ACTN1: variants seen among roughly 807,000 people sequenced by gnomAD.
ACTN1 encodes the protein actinin alpha 1.
In ACTN1, 30 loss-of-function variants were observed where a neutral mutation model predicts 119.6. That is an observed-to-expected ratio of 0.25 (90% CI 0.19 to 0.34). ACTN1 has a LOEUF of 0.34. ACTN1 is among the 10% of genes least tolerant of loss of function. The pLI is 1.00. For missense variants in ACTN1, 764 were observed against 1,223.4 expected, an observed-to-expected ratio of 0.62 and a Z score of 5.60; for synonymous variants, 429 against 472.6, an observed-to-expected ratio of 0.91 and a Z score of 1.20.
In ACTN1 at chr14:68,885,308, C is replaced by G. The variant is rs922977146; in HGVS notation, c.1385+117G>C. 3.0e-6 allele frequency: 4 copies of G among 1,321,350 alleles called. No individual in the cohort carries two copies. The African/African-American group carries it at 5.9e-5, about 19-fold the overall frequency. 81.9% of individuals were successfully genotyped at this position (1,321,350 alleles called of 1,614,324 possible). On this transcript the variant is annotated intron_variant, in intron 12 of 21. Coordinates refer to ENST00000394419, the MANE Select transcript of ACTN1 (RefSeq NM_001130004.2). The surrounding 1 kb of genome is among the most constrained non-coding windows in gnomAD (Gnocchi z 5.6). The stretch of plus-strand genomic sequence containing the variant: ...TGCGTTGACTCCCTCCCCACCTGGG[C>G]ACCCACCTGTACCCACCCTCCCCAT...
chr14:68,978,459 C>T (rs1236859823), intron 1 of ACTN1: 1 of 334,686 alleles, frequency 3.0e-6, no homozygotes, highest in Non-Finnish European at 5.8e-6. Flanking sequence ...GCCTAAGGGG[C>T]AGCAGGGTCC....
chr14:68,896,129 C>G (rs936045422), intron 8 of ACTN1, among the ~76,000 whole-genome samples: 7 of 152,116 alleles, frequency 4.6e-5, no homozygotes, highest in Non-Finnish European at 1.0e-4. Context: ...GCAGACTCCA[C>G]CGGGTTCCCT....
In ACTN1 at chr14:68,925,661, T is replaced by A. The variant is rs779700207; in HGVS notation, c.117A>T (p.Ala39=). Residue 39 remains alanine, a synonymous_variant, in exon 2 of 22, where the codon GCA becomes GCT. Coordinates refer to ENST00000394419, the MANE Select transcript of ACTN1 (RefSeq NM_001130004.2). The surrounding 1 kb of genome is among the most constrained non-coding windows in gnomAD (Gnocchi z 4.3). ...WEKQQRKTFT[A]WCNSHLRKAG... ...CCTTCCGGAGGTGGGAGTTACACCATGCCGTGAATGTCTGGGCAGAGACAA... is the reference window on the plus strand; with the variant it reads ...CCTTCCGGAGGTGGGAGTTACACCAAGCCGTGAATGTCTGGGCAGAGACAA... The A allele has an allele frequency of 6.2e-7, 1 of 1,611,620 alleles. No individual in the cohort carries two copies.
rs532749678 is a variant in ACTN1, at chr14:68,970,263, G to A, written c.105+8689C>T. Among the ~76,000 whole-genome samples the A allele has an allele frequency of 2.0e-5, 3 of 152,218 alleles. No individual in the cohort carries two copies. The East Asian group carries it at 5.8e-4, about 29-fold the overall frequency. ...CTGATTTAGGCCTGGAAGGTTCAAA[G>A]CTGGGGGTCAGGAAATGGCACTGCC... On this transcript the variant is annotated intron_variant, in intron 1 of 21. Transcript: ENST00000394419.
At chr14:68,883,599 C>G (rs1158377399) in intron 14 of ACTN1, among the ~76,000 whole-genome samples, 2 of 151,928 alleles carry the variant, frequency 1.3e-5, no homozygotes, top group Admixed American at 1.3e-4. Context: ...AAGAAAAAAC[C>G]CCACTTCCAC....
chr14:68,890,398 C>A, intron 10 of ACTN1, 112 bp from the exon 11 acceptor site: 1 of 1,263,620 alleles, frequency 7.9e-7, no homozygotes, highest in South Asian at 1.4e-5. Flanking sequence ...AGCCTCTTCC[C>A]TATCTCTGCC....
At chr14:68,954,919 T>G (rs74592689) in intron 1 of ACTN1, among the ~76,000 whole-genome samples, 6,589 of 152,262 alleles carry the variant, frequency 0.043, 241 homozygotes, top group Non-Finnish European at 0.054. Context: ...GGCCTCCAGA[T>G]GAAGTGTCCT....
Position 68,875,013 on chromosome 14 carries a change from T to C in ACTN1, c.2591A>G (p.Tyr864Cys), listed in dbSNP as rs376070530. The C allele has an allele frequency of 1.4e-5, 22 of 1,613,002 alleles. No homozygotes were observed. Among genetic ancestry groups the C allele is most frequent in the Non-Finnish European group, 1.8e-5 (21 of 1,180,002 alleles). The change falls in exon 22 of 22, where the codon TAC (tyrosine) becomes TGC (cysteine). Residue 864 changes from tyrosine to cysteine, a missense_variant. Physicochemically the swap from Tyr to Cys is radical, Grantham distance 194. Coordinates refer to ENST00000394419, the MANE Select transcript of ACTN1 (RefSeq NM_001130004.2). ...SFKILAGDKN[Y>C]ITMDELRREL... Reference sequence around the variant, plus strand: ...GCGGCGCAGCTCGTCCATGGTAATGTAGTTCTGCGAGGAGAGAGTGGTCAG... The same window carrying C: ...GCGGCGCAGCTCGTCCATGGTAATGCAGTTCTGCGAGGAGAGAGTGGTCAG...
At position 68,931,254 on chromosome 14, in the gene ACTN1, CAG is replaced by C. The variant is rs1342064229; in HGVS notation, c.106-5584_106-5583del. 2.0e-5 allele frequency among the ~76,000 whole-genome samples: 3 copies of C among 152,226 alleles called. 1 individual carries two copies. The highest frequency in any genetic ancestry group is 4.1e-4 in the South Asian group (2 of 4,832). ...CAGGGGACCGCAGCCAGCATTGGCA[CAG>C]AGAGTCTGAGTTGATGGAACATCAG... is the stretch of plus-strand genomic sequence containing the variant. On this transcript the variant is annotated intron_variant, in intron 1 of 21. Transcript: ENST00000394419.
At chr14:68,975,296 C>CA (rs1236252214) in intron 1 of ACTN1, among the ~76,000 whole-genome samples, 1 of 152,196 alleles carries the variant, frequency 6.6e-6, no homozygotes, top group African/African-American at 2.4e-5. Context: ...TGTAAAAGGC[C>CA]ACAGGCTGGC....
At chr14:68,977,809 CA>C (rs201022532) in intron 1 of ACTN1, 1 of 368,618 alleles carries the variant, frequency 2.7e-6, no homozygotes, top group South Asian at 2.0e-5. Context: ...GTCCCCCCCC[CA>C]CCCAAAACCC....
chr14:68,905,248 C>A (rs972318724), intron 6 of ACTN1, among the ~76,000 whole-genome samples: 1 of 152,204 alleles, frequency 6.6e-6, no homozygotes, highest in African/African-American at 2.4e-5. Flanking sequence ...CTTTAAATAG[C>A]CACAGCTTTG....
chr14:68,897,123 C>A (rs1463329060), intron 8 of ACTN1, among the ~76,000 whole-genome samples: 1 of 152,152 alleles, frequency 6.6e-6, no homozygotes, highest in Non-Finnish European at 1.5e-5. Flanking sequence ...GCTGGGATTA[C>A]AGGTGCATGC....
chr14:68,958,818 C>T (rs2036436420), intron 1 of ACTN1, among the ~76,000 whole-genome samples: 1 of 152,198 alleles, frequency 6.6e-6, no homozygotes, highest in African/African-American at 2.4e-5. Context: ...GGCCCAGCCC[C>T]GACTGACCAC....
Position 68,945,282 on chromosome 14 carries a change from G to A in ACTN1, c.106-19610C>T, listed in dbSNP as rs374216048. Reference sequence around the variant, plus strand: ...TGTTCAAAAAACTGAAAAAAAAAAAGTCACAGTGCAGGAGGGAAGAAGAGG... The same window carrying A: ...TGTTCAAAAAACTGAAAAAAAAAAAATCACAGTGCAGGAGGGAAGAAGAGG... On this transcript the variant is annotated intron_variant, in intron 1 of 21. Transcript: ENST00000394419. Among the ~76,000 whole-genome samples the A allele has an allele frequency of 3.0e-4, 46 of 151,094 alleles. 1 individual carries two copies. Among genetic ancestry groups the A allele is most frequent in the Middle Eastern group, 3.4e-3 (1 of 292 alleles).
At chr14:68,912,306 C>T (rs894108075) in intron 3 of ACTN1, 64 bp from the exon 4 acceptor site, 8 of 1,196,974 alleles carry the variant, frequency 6.7e-6, no homozygotes, top group Non-Finnish European at 1.0e-5. Context: ...AACACTCCCT[C>T]AGCACCCACA....
Position 68,885,645 on chromosome 14 carries a change from C to T in ACTN1, c.1235-70G>A. 1.3e-6 allele frequency: 2 copies of T among 1,545,382 alleles called. No homozygotes were observed. Among genetic ancestry groups the T allele is most frequent in the East Asian group, 4.6e-5 (2 of 43,794 alleles). ...TCTCCTTGGTCCCAACCGCCCACCC[C>T]TCAGGGCCCCAGGAGCTCCACTTCT... On this transcript the variant is annotated intron_variant, in intron 11 of 21. Coordinates refer to ENST00000394419, the MANE Select transcript of ACTN1 (RefSeq NM_001130004.2). The surrounding 1 kb of genome is among the most constrained non-coding windows in gnomAD (Gnocchi z 5.6).
At chr14:68,877,483 G>C in intron 20 of ACTN1, 1 of 514,242 alleles carries the variant, frequency 1.9e-6, no homozygotes, top group Non-Finnish European at 3.4e-6. Flanking sequence ...TAATCATGTT[G>C]ATAATAACTA....
At chr14:68,922,761 A>G (rs1566640883) in intron 2 of ACTN1, among the ~76,000 whole-genome samples, 1 of 152,252 alleles carries the variant, frequency 6.6e-6, no homozygotes, top group African/African-American at 2.4e-5. Context: ...GTGGCTGTCC[A>G]GCCCCTTTCC....
Sources: gnomAD v4.1 joint callset for allele counts (sites outside exome capture counted in the v4.1 genomes callset) on GRCh38, gnomAD v4.1.1 for gene constraint, Gnocchi (gnomAD v3.1) non-coding constraint, MANE v1.5 for transcripts, NCBI Gene and HGNC (gene_info 2026-07-23, HGNC 2026-07-21) for gene names.